ANO4: variants seen among roughly 807,000 people sequenced by gnomAD.
ANO4 encodes the protein anoctamin 4, also known as anoctamin-4.
A neutral mutation model predicts 141.9 loss-of-function variants in ANO4; 69 were observed. The observed-to-expected ratio is 0.49, with a 90% CI of 0.40 to 0.59. ANO4 has a LOEUF of 0.59. Ranked by LOEUF, ANO4 falls within the 20% of genes least tolerant of loss-of-function variation. ANO4 has a pLI of 0.00. For synonymous variants in ANO4, 350 were observed against 394.3 expected (o/e 0.89, Z 1.33); for missense variants, 894 against 1,162.2 (o/e 0.77, Z 3.36).
intron 3 of ANO4, among the ~76,000 whole-genome samples, chr12:100,768,868 G>T (rs1457791771): frequency 2.0e-5 from 3 of 152,078 alleles, no homozygotes; most frequent in Admixed American, 2.0e-4. Flanking sequence ...ATTAAGTTTG[G>T]CATCACAATT....
Position 100,966,872 on chromosome 12 carries a change from T to C in ANO4, c.457-4434T>C, listed in dbSNP as rs202043419. Among the ~76,000 whole-genome samples, 14 of 116,286 alleles carry C rather than the reference T, an allele frequency of 1.2e-4. No homozygotes were observed. The South Asian group carries it at 2.0e-3, about 17-fold the overall frequency. 76.3% of individuals were successfully genotyped at this position (116,286 alleles called of 152,430 possible). A position where few individuals can be genotyped will look rare whatever the true frequency, so the allele number is the denominator to read the frequency against. ...ACATATACACACATGTATATATATA[T>C]ACACACACACATACACACACACACA... On this transcript the variant is annotated intron_variant, in intron 5 of 27. Transcript: ENST00000392977.
chr12:100,812,039 TACAC>T (rs4015879), intron 1 of ANO4, among the ~76,000 whole-genome samples: 4 of 151,474 alleles, frequency 2.6e-5, no homozygotes, highest in Admixed American at 6.6e-5. Context: ...CATATATGTG[TACAC>T]ACACACACAC....
chr12:100,971,209 A>C, intron 5 of ANO4, 97 bp from the exon 6 acceptor site: 4 of 752,614 alleles, frequency 5.3e-6, no homozygotes, highest in Non-Finnish European at 8.6e-6. Context: ...CCAAATCATA[A>C]ACTCTGTCCA....
chr12:100,751,863 G>T (rs2032397665), intron 3 of ANO4, among the ~76,000 whole-genome samples: 1 of 152,134 alleles, frequency 6.6e-6, no homozygotes, highest in Non-Finnish European at 1.5e-5. Flanking sequence ...TTTGAAGATG[G>T]GGAAAGACTG....
intron 5 of ANO4, among the ~76,000 whole-genome samples, chr12:100,950,945 A>G (rs1283423204): frequency 6.6e-6 from 1 of 152,174 alleles, no homozygotes; most frequent in Non-Finnish European, 1.5e-5. Context: ...ACAAGTACAC[A>G]TTGGAATTTC....
At chr12:100,859,050 G>A (rs776499723) in intron 1 of ANO4, 5 of 152,134 alleles carry the variant, frequency 3.3e-5, no homozygotes, top group African/African-American at 4.8e-5. Flanking sequence ...TTAGAGAATG[G>A]CACTTTCACA....
chr12:100,850,786 C>T (rs968852117), intron 1 of ANO4, among the ~76,000 whole-genome samples: 5 of 152,066 alleles, frequency 3.3e-5, no homozygotes, highest in Middle Eastern at 3.4e-3. Flanking sequence ...GGTATGTTTT[C>T]TTTGATCTTG....
intron 6 of ANO4, 162 bp from the exon 7 acceptor site, chr12:100,974,683 C>T (rs879724423): frequency 1.2e-5 from 9 of 778,650 alleles, no homozygotes; most frequent in Non-Finnish European, 1.8e-5. Context: ...AACGCATGCC[C>T]TGTGTTCCCA....
chr12:100,954,452 C>T (rs1238133603), intron 5 of ANO4, among the ~76,000 whole-genome samples: 1 of 152,180 alleles, frequency 6.6e-6, no homozygotes, highest in Non-Finnish European at 1.5e-5. Flanking sequence ...CCTCTCCTTT[C>T]CCACCTTCCA....
intron 9 of ANO4, among the ~76,000 whole-genome samples, chr12:101,033,373 C>G (rs1049947277): frequency 6.6e-6 from 1 of 151,860 alleles, no homozygotes; most frequent in Non-Finnish European, 1.5e-5. Context: ...TGCTAGATGA[C>G]GAGCTAGTGG....
intron 1 of ANO4, among the ~76,000 whole-genome samples, chr12:100,884,587 C>A (rs553933570): frequency 2.9e-4 from 44 of 152,328 alleles, no homozygotes; most frequent in African/African-American, 1.0e-3. Flanking sequence ...ATTTATCTTA[C>A]ATTTCTGTGA....
intron 2 of ANO4, among the ~76,000 whole-genome samples, chr12:100,908,783 C>T (rs370373231): frequency 6.6e-5 from 10 of 152,070 alleles, no homozygotes; most frequent in South Asian, 6.2e-4. Context: ...TCCCTGTTCC[C>T]GAAGTGTTCT....
chr12:100,962,114 G>A (rs2043450335), intron 5 of ANO4, among the ~76,000 whole-genome samples: 1 of 152,188 alleles, frequency 6.6e-6, no homozygotes, highest in African/African-American at 2.4e-5. Context: ...GCCTAGAGGA[G>A]AGTTTACTTT....
chr12:100,822,974 T>C (rs2036134981), intron 1 of ANO4, among the ~76,000 whole-genome samples: 1 of 152,092 alleles, frequency 6.6e-6, no homozygotes, highest in Admixed American at 6.6e-5. Context: ...TCTTTCTGCA[T>C]TATTTGCTTT....
chr12:100,977,434 C>T (rs933235221), intron 7 of ANO4, among the ~76,000 whole-genome samples: 1 of 152,050 alleles, frequency 6.6e-6, no homozygotes, highest in Admixed American at 6.6e-5. Flanking sequence ...ACCTGTAGTC[C>T]CAGATACTTG....
At chr12:100,780,839 C>T (rs1013892468) in intron 3 of ANO4, among the ~76,000 whole-genome samples, 2 of 152,176 alleles carry the variant, frequency 1.3e-5, no homozygotes, top group African/African-American at 4.8e-5. Context: ...CCTCTGTGCC[C>T]AGCCGCAATT....
At chr12:100,875,780 T>G (rs775117351) in intron 1 of ANO4, among the ~76,000 whole-genome samples, 7 of 151,708 alleles carry the variant, frequency 4.6e-5, no homozygotes, top group Non-Finnish European at 1.0e-4. Context: ...TTTCAGATTT[T>G]GGGCATGAGC....
At chr12:100,970,664 T>TTCCTGCCTG (rs1566071751) in intron 5 of ANO4, among the ~76,000 whole-genome samples, 2 of 16,636 alleles carry the variant, frequency 1.2e-4, no homozygotes, top group Admixed American at 1.2e-3. Context: ...TCCCTCCCTC[T>TTCCTGCCTG]CCTTCCTTCC....
At chr12:100,784,968 C>G (rs1387069989) in intron 3 of ANO4, among the ~76,000 whole-genome samples, 2 of 151,758 alleles carry the variant, frequency 1.3e-5, no homozygotes, top group Admixed American at 6.6e-5. Flanking sequence ...TATTCTCTCT[C>G]TCTCTTTCTC....
Sources: gnomAD v4.1 joint callset for allele counts (sites outside exome capture counted in the v4.1 genomes callset) on GRCh38, gnomAD v4.1.1 for gene constraint, MANE v1.5 for transcripts, NCBI Gene and HGNC (gene_info 2026-07-23, HGNC 2026-07-21) for gene names.